Variants in DPP7 observed in about 807,000 individuals in gnomAD.
DPP7 encodes the protein dipeptidyl peptidase 7, also known as dipeptidyl peptidase 2.
In DPP7, 74 loss-of-function variants were observed where a neutral mutation model predicts 58.8. The ratio of observed to expected loss-of-function variants is 1.26; its 90% CI spans 1.04 to 1.53. The LOEUF is 1.53. Among genes scored for constraint, DPP7 ranks in the 40% most tolerant of loss-of-function variants. The pLI, the probability that DPP7 is intolerant of heterozygous loss-of-function variation, is 0.00. For missense variants in DPP7, 807 were observed against 692.3 expected (o/e 1.17, Z -1.86); for synonymous variants, 350 against 303.6 (o/e 1.15, Z -1.59).
Position 137,111,695 on chromosome 9 carries a change from C to T in DPP7, c.1267G>A (p.Gly423Ser), listed in dbSNP as rs769791444. 5 of 1,613,560 alleles carry T rather than the reference C, an allele frequency of 3.1e-6. 1 individual carries two copies. The South Asian group carries it at 4.4e-5, about 14-fold the overall frequency. Residue 423 changes from glycine to serine, a missense_variant, in exon 11 of 13, where the codon GGC becomes AGC. This residue lies in a region of DPP7 where 624 missense variants were observed against 531.2 expected (regional missense o/e 1.17). Coordinates refer to ENST00000371579, the MANE Select transcript of DPP7 (RefSeq NM_013379.3). ...GGGCCCAGGCCAGGACTCACCCCGC[C>T]CCCTGCCCAGGGGTCCAGGTTCCCG... ...SNGNLDPWAGGGIRRNLSASV... is the reference protein window; with the variant it reads ...SNGNLDPWAGSGIRRNLSASV...
chr9:137,114,745 G>A (rs1223693679), upstream of DPP7: 4 of 1,260,720 alleles, frequency 3.2e-6, no homozygotes, highest in Non-Finnish European at 4.0e-6. Context: ...TCACGTGGGC[G>A]GGGTCACGGG....
Position 137,113,503 on chromosome 9 carries a change from G to A in DPP7, c.486-7C>T, listed in dbSNP as rs1166190890. On this transcript the variant is annotated splice_polypyrimidine_tract_variant and splice_region_variant and intron_variant, in intron 4 of 12. Coordinates refer to ENST00000371579, the MANE Select transcript of DPP7 (RefSeq NM_013379.3). ...ACTGAGCATCCCCCCATAACTGGGT[G>A]AGGGACACAGGGTTAGGGCTGCTGC... is the stretch of plus-strand genomic sequence containing the variant. 7 of 1,552,140 alleles carry A rather than the reference G, an allele frequency of 4.5e-6. No individual in the cohort carries two copies. Among genetic ancestry groups the A allele is most frequent in the Non-Finnish European group, 5.2e-6 (6 of 1,148,170 alleles).
chr9:137,112,953 C>T lies in DPP7; in HGVS notation c.870G>A (p.Lys290=), dbSNP rs1201815150. 1 of 1,613,304 alleles carries T rather than the reference C, an allele frequency of 6.2e-7. No homozygotes were observed. The highest frequency in any genetic ancestry group is 8.5e-7 in the Non-Finnish European group (1 of 1,179,942). Residue 290 remains lysine, a splice_region_variant and synonymous_variant, in exon 7 of 13, where the codon AAG becomes AAA. Coordinates refer to ENST00000371579, the MANE Select transcript of DPP7 (RefSeq NM_013379.3). The stretch of plus-strand genomic sequence containing the variant: ...TGCGCCCTGGGAGGCGGCGCCTCAC[C>T]TTGACGGGGTTGGCAGGGAGGGGAC... ...FLGPLPANPV[K]VGCDRLLSEA...
At chr9:137,112,268 C>CACT in intron 8 of DPP7, 38 bp from the exon 9 acceptor site, 1 of 1,545,282 alleles carries the variant, frequency 6.5e-7, no homozygotes, top group Non-Finnish European at 8.7e-7. Flanking sequence ...CGGCCACACA[C>CACT]AGACACACCG....
chr9:137,111,758 C>A lies in DPP7; in HGVS notation c.1208-4G>T, dbSNP rs1461022492. 2.5e-6 allele frequency: 4 copies of A among 1,613,690 alleles called. No individual in the cohort carries two copies. The highest frequency in any genetic ancestry group is 3.4e-6 in the Non-Finnish European group (4 of 1,180,000). Reference sequence around the variant, plus strand: ...ATGTTGCTGGCGGCTCTGAGATCTGCAAGGGGCAGAGAAAGTTGTGATGTG... The same window carrying A: ...ATGTTGCTGGCGGCTCTGAGATCTGAAAGGGGCAGAGAAAGTTGTGATGTG... On this transcript the variant is annotated splice_region_variant and splice_polypyrimidine_tract_variant and intron_variant, in intron 10 of 12. Transcript: ENST00000371579.
At chr9:137,111,578 C>T in intron 11 of DPP7, 112 bp downstream of exon 11, 1 of 1,198,770 alleles carries the variant, frequency 8.3e-7, no homozygotes, top group Admixed American at 2.0e-5. Flanking sequence ...GTCAAGGCTG[C>T]AGTGAACCCT....
chr9:137,114,786 C>T (rs1247238920), upstream of DPP7: 6 of 1,132,714 alleles, frequency 5.3e-6, no homozygotes, highest in South Asian at 4.2e-5. Context: ...CCTCCAGGCC[C>T]CACGTGTTTC....
Position 137,113,141 on chromosome 9 carries a change from T to A in DPP7, c.704-22A>T, listed in dbSNP as rs116753361. On this transcript the variant is annotated intron_variant, in intron 6 of 12. Coordinates refer to ENST00000371579, the MANE Select transcript of DPP7 (RefSeq NM_013379.3). The stretch of plus-strand genomic sequence containing the variant: ...TAGGCTGCGTGGAAGGGGCAGAGAC[T>A]TGAAGTTTGGGCATAGCTGGCGCTG... 930 of 1,613,752 alleles carry A rather than the reference T, an allele frequency of 5.8e-4. 4 individuals carry two copies. In the African/African-American group the frequency reaches 0.011, roughly 20 times the overall value.
chr9:137,110,779 A>G lies in DPP7; in HGVS notation c.1348T>C (p.Ser450Pro). Residue 450 changes from serine (S) to proline (P), a missense_variant, in exon 13 of 13, where the codon TCC (serine) becomes CCC (proline). Physicochemically the swap from Ser to Pro is moderately conservative, Grantham distance 74 (BLOSUM62 -1). This residue lies in a region of DPP7 where 624 missense variants were observed against 531.2 expected (regional missense o/e 1.17). Coordinates refer to ENST00000371579, the MANE Select transcript of DPP7 (RefSeq NM_013379.3). ...ACGGAAGCAGGATCTTCTGGGTGGG[A>G]GGCTCTGGGGAGCGGGCACAGAGGG... ...GGAHHLDLRA[S>P]HPEDPASVVE... is the part of the protein sequence containing the mutation. The G allele has an allele frequency of 6.2e-7, 1 of 1,604,832 alleles. No individual in the cohort carries two copies. Among genetic ancestry groups the G allele is most frequent in the Non-Finnish European group, 8.5e-7 (1 of 1,179,524 alleles).
rs757418683 is a variant in DPP7, at chr9:137,112,904, G to A, written c.870+49C>T. The A allele has an allele frequency of 4.5e-5, 72 of 1,608,362 alleles. 1 individual carries two copies. Among genetic ancestry groups the A allele is most frequent in the South Asian group, 3.4e-4 (31 of 90,744 alleles). On this transcript the variant is annotated intron_variant, in intron 7 of 12. Coordinates refer to ENST00000371579, the MANE Select transcript of DPP7 (RefSeq NM_013379.3). ...GGTCAGGCCGCTGACCACCAGCCTC[G>A]GGACACTCCAGCCGGCCTCTCCCTG... is the stretch of plus-strand genomic sequence containing the variant.
Position 137,110,573 on chromosome 9 carries a change from C to T in DPP7, c.*75G>A. The T allele has an allele frequency of 1.9e-6, 3 of 1,551,424 alleles. No individual in the cohort carries two copies. The highest frequency in any genetic ancestry group is 1.2e-5 in the South Asian group (1 of 84,064). On this transcript the variant is annotated 3_prime_UTR_variant, in exon 13 of 13. Transcript: ENST00000371579. ...CAGGCCTCCAGGCGTTTATTCAGCC[C>T]CTTCCCTCTGCCGCCAGCTGCTTGA...
At chr9:137,117,968 C>G (rs1831668741), upstream of DPP7, among the ~76,000 whole-genome samples, 1 of 151,976 alleles carries the variant, frequency 6.6e-6, no homozygotes, top group Non-Finnish European at 1.5e-5. Context: ...TACGTCATAT[C>G]AGTGGAATCC....
chr9:137,110,765 A>G lies in DPP7; in HGVS notation c.1362T>C (p.Asp454=). The G allele has an allele frequency of 6.2e-7, 1 of 1,605,888 alleles. No individual in the cohort carries two copies. The highest frequency in any genetic ancestry group is 8.5e-7 in the Non-Finnish European group (1 of 1,179,742). The change falls in exon 13 of 13, where the codon GAT becomes GAC. Residue 454 remains aspartate (D), a synonymous_variant. Transcript: ENST00000371579. ...HLDLRASHPE[D]PASVVEARKL... Reference sequence around the variant, plus strand: ...TCCGCGCCTCAACCACGGAAGCAGGATCTTCTGGGTGGGAGGCTCTGGGGA... The same window carrying G: ...TCCGCGCCTCAACCACGGAAGCAGGGTCTTCTGGGTGGGAGGCTCTGGGGA...
upstream of DPP7, among the ~76,000 whole-genome samples, chr9:137,117,731 G>T (rs1032252261): frequency 6.6e-6 from 1 of 152,226 alleles, no homozygotes; most frequent in Non-Finnish European, 1.5e-5. Context: ...GGCCGTGCTG[G>T]TCTGTGTGCT....
chr9:137,113,861 C>G lies in DPP7; in HGVS notation c.485+4G>C. ...GGGGTGCGGAGGCCGGGGGAGGCGC[C>G]CACCTTCCACCGAAGGCGATGGCGG... On this transcript the variant is annotated splice_donor_region_variant and intron_variant, in intron 4 of 12. Transcript: ENST00000371579. 1 of 1,525,090 alleles carries G rather than the reference C, an allele frequency of 6.6e-7. No individual in the cohort carries two copies. The highest frequency in any genetic ancestry group is 8.8e-7 in the Non-Finnish European group (1 of 1,139,316). The allele number at this position is 1,525,090 out of a possible 1,614,324, so 94.5% of individuals were successfully genotyped here. A position where few individuals can be genotyped will look rare whatever the true frequency, so the allele number is the denominator to read the frequency against.
At chr9:137,115,232 C>A (rs1831596569), upstream of DPP7, 1 of 152,478 alleles carries the variant, frequency 6.6e-6, no homozygotes, top group African/African-American at 2.4e-5. Flanking sequence ...TGTGGGGTGC[C>A]CCTGGAGCGT....
At chr9:137,113,827 G>A in intron 4 of DPP7, 38 bp downstream of exon 4, 2 of 1,448,852 alleles carry the variant, frequency 1.4e-6, no homozygotes, top group Non-Finnish European at 1.8e-6. Context: ...GTCGGGGCAG[G>A]GGAGGGAGGG....
At chr9:137,113,584 GGAC>G in intron 4 of DPP7, 88 bp from the exon 5 acceptor site, 1 of 1,470,528 alleles carries the variant, frequency 6.8e-7, no homozygotes, top group Non-Finnish European at 9.0e-7. Context: ...GCCACAAGGA[GGAC>G]GACACTTCTG....
Position 137,114,455 on chromosome 9 carries a change from G to A in DPP7, c.181+8C>T, listed in dbSNP as rs1285428057. ...GCGGGGGCGGCCGGGCCGGGGCCGG[G>A]GTCTCACCCGACACCAGGAAGCGCT... On this transcript the variant is annotated splice_region_variant and intron_variant, in intron 2 of 12. Transcript: ENST00000371579. 6.4e-7 allele frequency: 1 copy of A among 1,561,820 alleles called. No individual in the cohort carries two copies. The highest frequency in any genetic ancestry group is 8.7e-7 in the Non-Finnish European group (1 of 1,154,112).
Sources: allele counts gnomAD v4.1 joint callset (sites outside exome capture counted in the v4.1 genomes callset), GRCh38; gene constraint gnomAD v4.1.1; regional missense constraint gnomAD v4.1.1; transcripts MANE v1.5; gene names NCBI Gene and HGNC (gene_info 2026-07-23, HGNC 2026-07-21).